The following TNS3 variants were observed in gnomAD, a reference collection of about 807,000 sequenced individuals.
The protein encoded by TNS3 is tensin 3.
Under a neutral mutation model 140.9 loss-of-function variants are expected in TNS3, and 45 were observed. The observed-to-expected ratio is 0.32, with a 90% CI of 0.25 to 0.41. The LOEUF (loss-of-function observed/expected upper bound fraction) is 0.41. Among genes scored for constraint, TNS3 ranks in the 10% least tolerant of loss-of-function variants. TNS3 has a pLI of 1.00. For missense variants in TNS3, 1,716 were observed against 1,906.7 expected (o/e 0.90, Z 1.86); for synonymous variants, 815 against 788.4 (o/e 1.03, Z -0.56).
At chr7:47,514,665 G>T (rs1344374616) in intron 2 of TNS3, among the ~76,000 whole-genome samples, 1 of 151,510 alleles carries the variant, frequency 6.6e-6, no homozygotes, top group East Asian at 1.9e-4. Flanking sequence ...TCTTTATTCT[G>T]TGCCATCCTG....
chr7:47,332,326 G>C (rs1041088889), intron 20 of TNS3, among the ~76,000 whole-genome samples: 5 of 152,240 alleles, frequency 3.3e-5, no homozygotes, highest in Admixed American at 3.3e-4. Flanking sequence ...GCTTCCAGCA[G>C]GGAAACATCC....
intron 1 of TNS3, among the ~76,000 whole-genome samples, chr7:47,537,993 C>T (rs1382842558): frequency 1.3e-5 from 2 of 150,326 alleles, no homozygotes; most frequent in Non-Finnish European, 3.0e-5. Flanking sequence ...CCATCCTGCT[C>T]CTGGCAAATC....
intron 20 of TNS3, among the ~76,000 whole-genome samples, chr7:47,308,375 A>G (rs1277146140): frequency 6.6e-6 from 1 of 152,186 alleles, no homozygotes; most frequent in African/African-American, 2.4e-5. Flanking sequence ...CACATTAAAC[A>G]TAGTAAAAAT....
chr7:47,544,291 C>T (rs960025210), intron 1 of TNS3, among the ~76,000 whole-genome samples: 1 of 152,088 alleles, frequency 6.6e-6, no homozygotes, highest in Non-Finnish European at 1.5e-5. Context: ...TAAACAAGGG[C>T]CCACCTGTCT....
rs138255602 is a variant in TNS3 at position 47,408,788 on chromosome 7, G to A, written c.723+2939C>T. On this transcript the variant is annotated intron_variant, in intron 13 of 30. Transcript: ENST00000311160. ...CCTTACAACAGCATCAGCCTTTGTG[G>A]GTGCCTCAAGCCTGGGATGCTTCAT... 2.8e-3 allele frequency among the ~76,000 whole-genome samples: 425 copies of A among 152,206 alleles called. 1 individual carries two copies. Among genetic ancestry groups the A allele is most frequent in the African/African-American group, 9.5e-3 (396 of 41,522 alleles).
Position 47,511,833 on chromosome 7 carries a change from G to A in TNS3, c.-152-4889C>T, listed in dbSNP as rs558812481. On this transcript the variant is annotated intron_variant, in intron 2 of 30. Transcript: ENST00000311160. ...CCTGGAGAACTTGGGTTGCAGAACC[G>A]GGGCCCAGGCACACTGCCCGGAGCC... 1.1e-3 allele frequency among the ~76,000 whole-genome samples: 164 copies of A among 152,254 alleles called. 1 individual carries two copies. The highest frequency in any genetic ancestry group is 3.8e-3 in the African/African-American group (158 of 41,554).
chr7:47,473,788 C>T (rs1315622144), intron 4 of TNS3, among the ~76,000 whole-genome samples: 4 of 152,144 alleles, frequency 2.6e-5, no homozygotes, highest in African/African-American at 9.7e-5. Context: ...CACTAAGCCC[C>T]ACACCCAGTA....
At chr7:47,313,459 C>G (rs1294871755) in intron 20 of TNS3, among the ~76,000 whole-genome samples, 1 of 152,156 alleles carries the variant, frequency 6.6e-6, no homozygotes, top group Non-Finnish European at 1.5e-5. Context: ...TGCCAAGAAG[C>G]AGCACAGAAC....
At chr7:47,482,781 A>G (rs1010154963) in intron 3 of TNS3, among the ~76,000 whole-genome samples, 1 of 152,202 alleles carries the variant, frequency 6.6e-6, no homozygotes. Context: ...AAACACAAAG[A>G]GGAAACTTAA....
chr7:47,313,911 T>A (rs1787247036), intron 20 of TNS3, among the ~76,000 whole-genome samples: 1 of 152,226 alleles, frequency 6.6e-6, no homozygotes, highest in African/African-American at 2.4e-5. Flanking sequence ...TGTAGTTCCC[T>A]CTGTCAGACC....
At chr7:47,494,267 T>C (rs1286684003) in intron 3 of TNS3, among the ~76,000 whole-genome samples, 1 of 152,192 alleles carries the variant, frequency 6.6e-6, no homozygotes, top group Non-Finnish European at 1.5e-5. Flanking sequence ...ACAAGTCTAC[T>C]TCCTACTGAC....
At chr7:47,488,983 C>G (rs1280573323) in intron 3 of TNS3, among the ~76,000 whole-genome samples, 1 of 152,222 alleles carries the variant, frequency 6.6e-6, no homozygotes, top group African/African-American at 2.4e-5. Flanking sequence ...TGAGGACATT[C>G]GAGACTTTAT....
chr7:47,378,100 A>G (rs1453999815), intron 16 of TNS3, among the ~76,000 whole-genome samples: 5 of 152,048 alleles, frequency 3.3e-5, no homozygotes, highest in Non-Finnish European at 7.4e-5. Context: ...GTGTTTGCTG[A>G]TATCAGCTCC....
At chr7:47,419,679 T>C (rs930166864) in intron 10 of TNS3, among the ~76,000 whole-genome samples, 1 of 152,196 alleles carries the variant, frequency 6.6e-6, no homozygotes, top group African/African-American at 2.4e-5. Context: ...CAATTACTGC[T>C]AGAGATAACA....
chr7:47,460,212 CAAAAAA>C (rs10526565), intron 4 of TNS3, among the ~76,000 whole-genome samples: 2 of 115,052 alleles, frequency 1.7e-5, no homozygotes, highest in African/African-American at 7.4e-5. Flanking sequence ...GACTCTGTCC[CAAAAAA>C]AAAAAAAAAA....
chr7:47,580,747 G>A (rs1344163458), intron 1 of TNS3, among the ~76,000 whole-genome samples: 2 of 152,124 alleles, frequency 1.3e-5, no homozygotes, highest in African/African-American at 4.8e-5. Context: ...ATTCAAAAGG[G>A]AAAGCATGAA....
At chr7:47,367,356 GC>G (rs1468274735) in intron 17 of TNS3, among the ~76,000 whole-genome samples, 1 of 152,160 alleles carries the variant, frequency 6.6e-6, no homozygotes, top group Non-Finnish European at 1.5e-5. Flanking sequence ...GGTCCCCTCA[GC>G]CTTCATGCTT....
At chr7:47,371,846 C>T (rs1791090252) in intron 16 of TNS3, among the ~76,000 whole-genome samples, 1 of 152,226 alleles carries the variant, frequency 6.6e-6, no homozygotes, top group Non-Finnish European at 1.5e-5. Context: ...CAGCTCCATC[C>T]TGAGTCCACC....
chr7:47,442,355 C>T (rs978994279), intron 4 of TNS3, among the ~76,000 whole-genome samples: 1 of 152,172 alleles, frequency 6.6e-6, no homozygotes, highest in African/African-American at 2.4e-5. Flanking sequence ...CAGTGCCCTG[C>T]CCTCCAACAC....
Sources: allele counts gnomAD v4.1 joint callset (sites outside exome capture counted in the v4.1 genomes callset), GRCh38; gene constraint gnomAD v4.1.1; transcripts MANE v1.5; gene names NCBI Gene and HGNC (gene_info 2026-07-23, HGNC 2026-07-21).